Variants in ARSG observed in about 807,000 individuals in gnomAD.
ARSG encodes the protein arylsulfatase G.
In ARSG, 37 loss-of-function variants were observed where a neutral mutation model predicts 50.5. The observed-to-expected ratio is 0.73, with a 90% confidence interval of 0.56 to 0.96. The LOEUF is 0.96. ARSG is among the 50% of genes least tolerant of loss of function. The pLI is 0.00. For synonymous variants in ARSG, 225 were observed against 254.6 expected, an observed-to-expected ratio of 0.88 and a Z score of 1.11; for missense variants, 629 against 675.3, an observed-to-expected ratio of 0.93 and a Z score of 0.76.
intron 2 of ARSG, among the ~76,000 whole-genome samples, chr17:68,333,226 G>A (rs2077856529): frequency 6.6e-6 from 1 of 152,370 alleles, no homozygotes; most frequent in Middle Eastern, 3.4e-3. Context: ...AGAGGCTGAG[G>A]TAGGAGAATG....
rs143435693 is a variant in ARSG, at chr17:68,368,596, C to G, written c.753C>G (p.His251Gln). Residue 251 changes from histidine to glutamine, a missense_variant, in exon 7 of 12, where the codon CAC becomes CAG. Coordinates refer to ENST00000621439, the MANE Select transcript of ARSG (RefSeq NM_001267727.2). Reference protein sequence around the residue: ...FLLYVALAHMHVPLPVTQLPA... With the variant: ...FLLYVALAHMQVPLPVTQLPA... ...TCTATGTGGCTCTGGCCCACATGCA[C>G]GTGCCCTTACCTGTGACTCAGCTAC... 3 of 1,614,052 alleles carry G rather than the reference C, an allele frequency of 1.9e-6. No individual in the cohort carries two copies. The highest frequency in any genetic ancestry group is 2.2e-5 in the South Asian group (2 of 91,090).
chr17:68,334,477 T>G (rs2077924001), intron 2 of ARSG, among the ~76,000 whole-genome samples: 1 of 152,276 alleles, frequency 6.6e-6, no homozygotes, highest in Non-Finnish European at 1.5e-5. Context: ...GACACAGACA[T>G]TCTTCTGGCT....
At position 68,271,583 on chromosome 17, in the gene ARSG, T is replaced by C. The variant is rs144470811; in HGVS notation, c.-552+12157T>C. 3.5e-4 allele frequency: 567 copies of C among 1,614,202 alleles called. 3 individuals carry two copies. The Middle Eastern group carries it at 9.7e-3, about 28-fold the overall frequency. ...CTGAGCAGTGCTCCGAAGATGACAA[T>C]GTTTAACTGTAGTAGGCCCACGAAG... On this transcript the variant is annotated intron_variant, in intron 1 of 11. Coordinates refer to the ARSG transcript ENST00000448504. The surrounding 1 kb of genome is among the most constrained non-coding windows in gnomAD (Gnocchi z 5.3).
Position 68,343,637 on chromosome 17 carries a change from C to T in ARSG, c.252C>T (p.Cys84=). The T allele has an allele frequency of 6.2e-7, 1 of 1,613,308 alleles. No homozygotes were observed. The highest frequency in any genetic ancestry group is 8.5e-7 in the Non-Finnish European group (1 of 1,179,466). ...ATTTCCATGCAGCTGCCTCCACCTGCTCACCCTCCCGGGCTTCCTTGCTCA... is the reference window on the plus strand; with the variant it reads ...ATTTCCATGCAGCTGCCTCCACCTGTTCACCCTCCCGGGCTTCCTTGCTCA... The part of the protein sequence containing the change: ...FVDFHAAAST[C]SPSRASLLTG... Residue 84 remains cysteine (C), a synonymous_variant, in exon 3 of 12, where the codon TGC becomes TGT. Transcript: ENST00000621439.
At chr17:68,343,841 C>T in intron 3 of ARSG, 50 bp downstream of exon 3, 1 of 1,538,242 alleles carries the variant, frequency 6.5e-7, no homozygotes, top group Non-Finnish European at 8.8e-7. Flanking sequence ...TGGCAGCCGC[C>T]TTGTGTTTGC....
intron 6 of ARSG, among the ~76,000 whole-genome samples, chr17:68,360,412 C>G (rs2079227782): frequency 6.6e-6 from 1 of 152,202 alleles, no homozygotes. Context: ...AAACCACCAG[C>G]TGTCCCTAGA....
chr17:68,305,656 A>C (rs1555763748), intron 1 of ARSG, among the ~76,000 whole-genome samples: 1 of 152,254 alleles, frequency 6.6e-6, no homozygotes, highest in Non-Finnish European at 1.5e-5. Flanking sequence ...TTTTATTATG[A>C]AAATTACAAA....
intron 1 of ARSG, among the ~76,000 whole-genome samples, chr17:68,283,414 C>T (rs551354191): frequency 1.3e-5 from 2 of 150,778 alleles, no homozygotes; most frequent in African/African-American, 2.4e-5. Flanking sequence ...CCAGCTACTC[C>T]GGAGGCTGAG....
At position 68,307,629 on chromosome 17, in the gene ARSG, A is replaced by G. The variant is rs2076656952; in HGVS notation, c.136A>G (p.Met46Val). 2 of 1,613,540 alleles carry G rather than the reference A, an allele frequency of 1.2e-6. No individual in the cohort carries two copies. The highest frequency in any genetic ancestry group is 1.7e-6 in the Non-Finnish European group (2 of 1,179,478). ...PNFVIILADDMGWGDLGANWA... is the reference protein window; with the variant it reads ...PNFVIILADDVGWGDLGANWA... ...CTTTGTGATTATTTTGGCCGATGAC[A>G]TGGGGTGGGGTGACCTGGGAGCAAA... Residue 46 changes from methionine (M) to valine (V), a missense_variant, in exon 2 of 12, where the codon ATG becomes GTG. Coordinates refer to ENST00000621439, the MANE Select transcript of ARSG (RefSeq NM_001267727.2).
At chr17:68,375,322 A>G (rs560043950) in intron 8 of ARSG, among the ~76,000 whole-genome samples, 54 of 152,348 alleles carry the variant, frequency 3.5e-4, no homozygotes, top group African/African-American at 1.3e-3. Context: ...AATGGTTATC[A>G]AAGTGTGGTC....
At position 68,420,543 on chromosome 17, in the gene ARSG, A is replaced by G. The variant is rs773647078; in HGVS notation, c.*80A>G. ...TCCAAATTTCATTTTTACCCTCTTT[A>G]CAAACACACGCTTTAGTTTAGTCTT... On this transcript the variant is annotated 3_prime_UTR_variant, in exon 12 of 12. Transcript: ENST00000621439. 12 of 1,469,718 alleles carry G rather than the reference A, an allele frequency of 8.2e-6. No homozygotes were observed. Among genetic ancestry groups the G allele is most frequent in the Middle Eastern group, 1.8e-4 (1 of 5,632 alleles). 91.0% of individuals were successfully genotyped at this position (1,469,718 alleles called of 1,614,324 possible).
At chr17:68,267,353 C>T (rs1555746728) in intron 1 of ARSG, 1 of 152,192 alleles carries the variant, frequency 6.6e-6, no homozygotes, top group Non-Finnish European at 1.5e-5. Context: ...GCTACATCCA[C>T]CTTGTTTTAG....
Position 68,271,259 on chromosome 17 carries a change from C to G in ARSG, c.-552+11833C>G. 6.2e-7 allele frequency: 1 copy of G among 1,614,150 alleles called. No individual in the cohort carries two copies. Among genetic ancestry groups the G allele is most frequent in the African/African-American group, 1.3e-5 (1 of 75,042 alleles). Reference sequence around the variant, plus strand: ...AAGAATCCCAGTGTTGCAAAGAGACCAAATAATGCATAACAAATAAAACTT... The same window carrying G: ...AAGAATCCCAGTGTTGCAAAGAGACGAAATAATGCATAACAAATAAAACTT... On this transcript the variant is annotated intron_variant, in intron 1 of 11. Transcript: ENST00000448504. This position sits in a 1 kb window ranked among gnomAD's most constrained non-coding sequence, Gnocchi z 5.3.
At chr17:68,395,402 A>T (rs1443931048) in intron 10 of ARSG, among the ~76,000 whole-genome samples, 1 of 152,240 alleles carries the variant, frequency 6.6e-6, no homozygotes, top group Non-Finnish European at 1.5e-5. Flanking sequence ...AGCCTGACCA[A>T]GATGGTGAAA....
At chr17:68,446,001 T>A in the ARSG span, among the ~76,000 whole-genome samples, 3 of 152,108 alleles carry the variant, frequency 2.0e-5, no homozygotes, top group Non-Finnish European at 2.9e-5. Context: ...CTCAGCCAGC[T>A]CCTTTTATTC....
chr17:68,368,689 G>A lies in ARSG; in HGVS notation c.846G>A (p.Gln282=). ...GGGAGATGGACAGTCTGGTGGGCCA[G>A]ATCAAGGACAAAGTTGACCACACAG... ...GLWEMDSLVG[Q]IKDKVDHTVK... The change falls in exon 7 of 12, where the codon CAG becomes CAA. Residue 282 remains glutamine (Q), a synonymous_variant. Transcript: ENST00000621439. 6.2e-7 allele frequency: 1 copy of A among 1,614,026 alleles called. No homozygotes were observed. The highest frequency in any genetic ancestry group is 8.5e-7 in the Non-Finnish European group (1 of 1,179,970).
downstream of ARSG, among the ~76,000 whole-genome samples, chr17:68,425,274 G>A (rs2083085476): frequency 6.6e-6 from 1 of 152,146 alleles, no homozygotes; most frequent in South Asian, 2.1e-4. Context: ...CACAATCAGA[G>A]CTCACTGCAG....
intron 2 of ARSG, among the ~76,000 whole-genome samples, chr17:68,310,933 G>T (rs1427281651): frequency 2.6e-5 from 4 of 152,210 alleles, no homozygotes; most frequent in Admixed American, 2.6e-4. Flanking sequence ...GGGTGTGGTG[G>T]CTCACGCCTG....
At chr17:68,366,310 TAAC>T (rs1246624073) in intron 6 of ARSG, among the ~76,000 whole-genome samples, 11 of 152,188 alleles carry the variant, frequency 7.2e-5, no homozygotes, top group African/African-American at 2.7e-4. Flanking sequence ...TGGCCATGTT[TAAC>T]AACTGGTTTG....
Sources: gnomAD v4.1 joint callset for allele counts (sites outside exome capture counted in the v4.1 genomes callset) on GRCh38, gnomAD v4.1.1 for gene constraint, Gnocchi (gnomAD v3.1) non-coding constraint, MANE v1.5 for transcripts, NCBI Gene and HGNC (gene_info 2026-07-23, HGNC 2026-07-21) for gene names.